TAS1R1: variants seen among roughly 807,000 people sequenced by gnomAD.
The protein encoded by TAS1R1 is taste 1 receptor member 1.
A neutral mutation model predicts 45.8 loss-of-function variants in TAS1R1; 31 were observed. The ratio of observed to expected loss-of-function variants is 0.68; its 90% CI spans 0.51 to 0.91. The LOEUF is 0.91. TAS1R1 is among the 40% of genes least tolerant of loss of function. TAS1R1 has a pLI of 0.00. For synonymous variants in TAS1R1, 437 were observed against 448.4 expected, an observed-to-expected ratio of 0.97 and a Z score of 0.32; for missense variants, 1,051 against 1,063.9, an observed-to-expected ratio of 0.99 and a Z score of 0.17.
In TAS1R1 at chr1:6,555,926, C is replaced by A. The variant is rs899525964; in HGVS notation, c.191+362C>A. On this transcript the variant is annotated intron_variant, in intron 1 of 5. Coordinates refer to ENST00000333172, the MANE Select transcript of TAS1R1 (RefSeq NM_138697.4). ...TCGCTCTTTCACCCAGGTGGGACTG[C>A]AGTGGCGCGATCTCAGCTCACTGCA... 6.7e-5 allele frequency among the ~76,000 whole-genome samples: 8 copies of A among 119,612 alleles called. 1 individual carries two copies. The South Asian group carries it at 2.3e-3, about 35-fold the overall frequency. 78.5% of individuals were successfully genotyped at this position (119,612 alleles called of 152,430 possible).
chr1:6,562,475 G>T (rs945253360), intron 1 of TAS1R1, among the ~76,000 whole-genome samples: 1 of 152,108 alleles, frequency 6.6e-6, no homozygotes, highest in African/African-American at 2.4e-5. Context: ...CCCAGGCCAC[G>T]GGGGTTTTAG....
chr1:6,558,717 TA>T (rs968898041), intron 1 of TAS1R1, among the ~76,000 whole-genome samples: 25 of 149,098 alleles, frequency 1.7e-4, no homozygotes, highest in African/African-American at 5.4e-4. Context: ...AGACTCAGTC[TA>T]AAAAAAAATA....
rs115366735 is a variant in TAS1R1, at chr1:6,559,865, C to G, written c.191+4301C>G. On this transcript the variant is annotated intron_variant, in intron 1 of 5. Coordinates refer to ENST00000333172, the MANE Select transcript of TAS1R1 (RefSeq NM_138697.4). ...ATGAGCTGGACGTGTGGGTGCACCCCTGCAATCCCAGGTACTCTGGAGGCT... is the reference window on the plus strand; with the variant it reads ...ATGAGCTGGACGTGTGGGTGCACCCGTGCAATCCCAGGTACTCTGGAGGCT... Among the ~76,000 whole-genome samples, 1,371 of 151,912 alleles carry G rather than the reference C, an allele frequency of 9.0e-3. 14 individuals are homozygous for G. The highest frequency in any genetic ancestry group is 0.03 in the African/African-American group (1,248 of 41,378).
At position 6,571,302 on chromosome 1, in the gene TAS1R1, G is replaced by C. The variant is rs549174066; in HGVS notation, c.498+87G>C. ...GGGCAAGAGCTGCTGTCCCCCCCAA[G>C]GCTGCCTGCCCCCTGGATCTCTTGG... On this transcript the variant is annotated intron_variant, in intron 2 of 5. Coordinates refer to ENST00000333172, the MANE Select transcript of TAS1R1 (RefSeq NM_138697.4). The C allele has an allele frequency of 1.4e-4, 190 of 1,403,312 alleles. 1 individual carries two copies. In the South Asian group the frequency reaches 2.5e-3, roughly 18 times the overall value. The allele number at this position is 1,403,312 out of a possible 1,614,324, so 86.9% of individuals were successfully genotyped here.
At chr1:6,564,096 G>C (rs144227903) in intron 1 of TAS1R1, among the ~76,000 whole-genome samples, 1 of 152,282 alleles carries the variant, frequency 6.6e-6, no homozygotes, top group South Asian at 2.1e-4. Context: ...GGCGGAAGGC[G>C]GCGGGTGGGT....
At chr1:6,556,850 A>C (rs529813721) in intron 1 of TAS1R1, among the ~76,000 whole-genome samples, 34 of 152,036 alleles carry the variant, frequency 2.2e-4, no homozygotes, top group African/African-American at 7.0e-4. Flanking sequence ...CTCTACATAA[A>C]ATACAACACA....
At chr1:6,577,230 A>C (rs1261138552) in intron 5 of TAS1R1, among the ~76,000 whole-genome samples, 160 bp downstream of exon 5, 1 of 152,254 alleles carries the variant, frequency 6.6e-6, no homozygotes, top group Non-Finnish European at 1.5e-5. Context: ...TACCAGACAG[A>C]ATTCTGATCA....
intron 1 of TAS1R1, 62 bp downstream of exon 1, chr1:6,555,626 T>C (rs1009391072): frequency 2.0e-6 from 3 of 1,471,558 alleles, no homozygotes; most frequent in Non-Finnish European, 2.8e-6. Context: ...CCCCTCTGGC[T>C]GCCATCCTCC....
chr1:6,576,845 G>C, intron 4 of TAS1R1, 105 bp from the exon 5 acceptor site: 2 of 1,566,032 alleles, frequency 1.3e-6, no homozygotes, highest in South Asian at 2.3e-5. Flanking sequence ...CCCTGCCCTG[G>C]GAGTGAGCCC....
rs764982729 is a variant in TAS1R1, at chr1:6,574,681, C to G, written c.549C>G (p.Pro183=). The change falls in exon 3 of 6, where the codon CCC becomes CCG. Residue 183 remains proline (P), a synonymous_variant. Transcript: ENST00000333172. This position sits in a 1 kb window ranked among gnomAD's most constrained non-coding sequence, Gnocchi z 4.3. The part of the protein sequence containing the change: ...SETLSVKRQY[P]SFLRTIPNDK... ...CGCTCAGCGTGAAGCGGCAGTATCC[C>G]TCTTTCCTGCGCACCATCCCCAATG... The G allele has an allele frequency of 1.5e-5, 25 of 1,613,900 alleles. No individual in the cohort carries two copies. The highest frequency in any genetic ancestry group is 8.3e-5 in the Admixed American group (5 of 60,006).
chr1:6,578,004 T>C (rs11122100), intron 5 of TAS1R1, among the ~76,000 whole-genome samples: 25,127 of 152,172 alleles, frequency 0.17, 2,501 homozygotes, highest in African/African-American at 0.27. Context: ...CTACTGTCCC[T>C]TCTGTTGCCC....
Position 6,555,308 on chromosome 1 carries a change from T to C in TAS1R1, c.-66T>C. 1 of 1,449,410 alleles carries C rather than the reference T, an allele frequency of 6.9e-7. No individual in the cohort carries two copies. Among genetic ancestry groups the C allele is most frequent in the Non-Finnish European group, 9.1e-7 (1 of 1,096,294 alleles). The allele number at this position is 1,449,410 out of a possible 1,614,324, so 89.8% of individuals were successfully genotyped here. On this transcript the variant is annotated 5_prime_UTR_variant, in exon 1 of 6. Coordinates refer to ENST00000333172, the MANE Select transcript of TAS1R1 (RefSeq NM_138697.4). ...TAGGAAGCATCCGGCAGCTGCCTTCTATTTAAGCAACTGGCCTCCTTAGAG... is the reference window on the plus strand; with the variant it reads ...TAGGAAGCATCCGGCAGCTGCCTTCCATTTAAGCAACTGGCCTCCTTAGAG...
In TAS1R1 at chr1:6,576,610, C is replaced by A. The variant is rs1640181828; in HGVS notation, c.1456C>A (p.His486Asn). 1 of 1,613,494 alleles carries A rather than the reference C, an allele frequency of 6.2e-7. No homozygotes were observed. Among genetic ancestry groups the A allele is most frequent in the African/African-American group, 1.3e-5 (1 of 74,922 alleles). ...CATAAATGAGACCAAAATCCAGTGG[C>A]ACGGAAAGGACAACCAGGTAATGGG... ...LNINETKIQW[H>N]GKDNQVPKSV... Residue 486 changes from histidine (H) to asparagine (N), a missense_variant, in exon 4 of 6, where the codon CAC becomes AAC. By Grantham distance (68) the His-to-Asn change is moderately conservative (BLOSUM62 1). Coordinates refer to ENST00000333172, the MANE Select transcript of TAS1R1 (RefSeq NM_138697.4).
chr1:6,567,286 C>T (rs773830960), intron 1 of TAS1R1, among the ~76,000 whole-genome samples: 1 of 151,988 alleles, frequency 6.6e-6, no homozygotes, highest in Non-Finnish European at 1.5e-5. Context: ...GGCAGCTGGG[C>T]GCAGTGGCTC....
chr1:6,568,287 A>G lies in TAS1R1; in HGVS notation c.192-2622A>G, dbSNP rs183343903. ...ACATGGTGAAACCCCATCTCTACTA[A>G]AAAAAAATACAAAAAAAATTAGCCG... On this transcript the variant is annotated intron_variant, in intron 1 of 5. Transcript: ENST00000333172. Among the ~76,000 whole-genome samples the G allele has an allele frequency of 9.1e-3, 1,382 of 151,240 alleles. 22 individuals are homozygous for G. Among genetic ancestry groups the G allele is most frequent in the African/African-American group, 0.031 (1,266 of 41,232 alleles).
chr1:6,560,918 A>G (rs6668486), intron 1 of TAS1R1, among the ~76,000 whole-genome samples: 140,501 of 150,122 alleles, frequency 0.94, 66,362 homozygotes, highest in Non-Finnish European at 1. Flanking sequence ...CAGGAGGCAG[A>G]GCTTGCAGTG....
chr1:6,575,333 C>T lies in TAS1R1; in HGVS notation c.1201C>T (p.His401Tyr), dbSNP rs778312198. ...RAVYAVAHGL[H>Y]QLLGCASGAC... ...TGTGTATGCGGTGGCCCATGGCCTC[C>T]ACCAGCTCCTGGGCTGTGCCTCTGG... is the stretch of plus-strand genomic sequence containing the variant. The change falls in exon 3 of 6, where the codon CAC (histidine) becomes TAC (tyrosine). Residue 401 changes from histidine to tyrosine, a missense_variant. His to Tyr is a moderately conservative substitution (Grantham distance 83, BLOSUM62 2). Coordinates refer to ENST00000333172, the MANE Select transcript of TAS1R1 (RefSeq NM_138697.4). 3.7e-6 allele frequency: 6 copies of T among 1,609,988 alleles called. No individual in the cohort carries two copies. Among genetic ancestry groups the T allele is most frequent in the Admixed American group, 1.7e-5 (1 of 59,562 alleles).
chr1:6,561,714 C>CAA (rs33969940), intron 1 of TAS1R1, among the ~76,000 whole-genome samples: 2,383 of 137,676 alleles, frequency 0.017, 36 homozygotes, highest in South Asian at 0.026. Flanking sequence ...GTTTCCGTCT[C>CAA]AAAAAAAAAA....
chr1:6,560,611 G>C (rs566324957), intron 1 of TAS1R1, among the ~76,000 whole-genome samples: 13 of 152,310 alleles, frequency 8.5e-5, no homozygotes, highest in Admixed American at 7.2e-4. Flanking sequence ...CCTTTGCCGG[G>C]TTGGGTCCCT....
Sources: gnomAD v4.1 joint callset for allele counts (sites outside exome capture counted in the v4.1 genomes callset) on GRCh38, gnomAD v4.1.1 for gene constraint, Gnocchi (gnomAD v3.1) non-coding constraint, MANE v1.5 for transcripts, NCBI Gene and HGNC (gene_info 2026-07-23, HGNC 2026-07-21) for gene names.